The following HEMK2 variants were observed in gnomAD, a reference collection of about 807,000 sequenced individuals.
The protein encoded by HEMK2 is HemK methyltransferase 2, ETF1 glutamine and histone H4 lysine.
the HEMK2 span, among the ~76,000 whole-genome samples, chr21:28,657,069 C>CAGCATATT: frequency 6.6e-6 from 1 of 151,998 alleles, no homozygotes; most frequent in Non-Finnish European, 1.5e-5. Context: ...TTTTGTCATG[C>CAGCATATT]AGCATATTAC....
chr21:28,883,121 C>A, the HEMK2 span: 1 of 1,293,618 alleles, frequency 7.7e-7, no homozygotes, highest in Non-Finnish European at 1.1e-6. Flanking sequence ...AAATACTCTT[C>A]ACAGAAAACT....
the HEMK2 span, among the ~76,000 whole-genome samples, chr21:28,667,354 T>C: frequency 2.6e-5 from 4 of 152,188 alleles, no homozygotes; most frequent in African/African-American, 7.2e-5. Flanking sequence ...TTTGTGTTTC[T>C]TTGATGAAAG....
the HEMK2 span, among the ~76,000 whole-genome samples, chr21:28,782,473 T>C: frequency 2.0e-5 from 3 of 152,206 alleles, no homozygotes; most frequent in Non-Finnish European, 4.4e-5. Flanking sequence ...ACGTTAACTA[T>C]AAATGCATTA....
chr21:28,642,450 C>T, the HEMK2 span, among the ~76,000 whole-genome samples: 15 of 152,290 alleles, frequency 9.8e-5, no homozygotes, highest in African/African-American at 2.2e-4. Context: ...GCAGGCTCTA[C>T]GCAGGCCCAG....
chr21:28,723,204 C>CA, the HEMK2 span, among the ~76,000 whole-genome samples: 2 of 151,890 alleles, frequency 1.3e-5, no homozygotes, highest in South Asian at 4.1e-4. Context: ...TTTGTAGAGA[C>CA]AGAGTCTTGT....
the HEMK2 span, among the ~76,000 whole-genome samples, chr21:28,831,514 A>G: frequency 1.1e-3 from 105 of 94,858 alleles, 2 homozygotes; most frequent in Admixed American, 3.0e-3. Flanking sequence ...AAAGAAAGAA[A>G]GAAAGAAAGA....
the HEMK2 span, among the ~76,000 whole-genome samples, chr21:28,721,160 G>A: frequency 6.6e-6 from 1 of 152,158 alleles, no homozygotes; most frequent in Admixed American, 6.5e-5. Flanking sequence ...CTGTCTCCCA[G>A]GCTGGAGTGC....
At chr21:28,674,548 T>A in the HEMK2 span, 3 of 152,182 alleles carry the variant, frequency 2.0e-5, no homozygotes, top group Non-Finnish European at 4.4e-5. Flanking sequence ...TCTCTGGAGT[T>A]AAATGGAAGG....
At chr21:28,591,883 G>A in the HEMK2 span, among the ~76,000 whole-genome samples, 27 of 152,136 alleles carry the variant, frequency 1.8e-4, no homozygotes, top group African/African-American at 6.5e-4. Context: ...TAATTGTCTC[G>A]TTCTTGTTTA....
chr21:28,881,297 G>C, the HEMK2 span, among the ~76,000 whole-genome samples: 2 of 152,142 alleles, frequency 1.3e-5, no homozygotes, highest in African/African-American at 4.8e-5. Flanking sequence ...TCCCAATCCA[G>C]CTCCTGGGAT....
At chr21:28,838,620 G>A in the HEMK2 span, among the ~76,000 whole-genome samples, 10 of 148,638 alleles carry the variant, frequency 6.7e-5, no homozygotes, top group East Asian at 2.0e-4. Context: ...AACAAAATAC[G>A]AACTAACTGA....
At chr21:28,761,519 C>A in the HEMK2 span, among the ~76,000 whole-genome samples, 2 of 151,690 alleles carry the variant, frequency 1.3e-5, no homozygotes, top group Admixed American at 6.6e-5. Flanking sequence ...AAGTTTATTC[C>A]CTTGGTTACC....
the HEMK2 span, among the ~76,000 whole-genome samples, chr21:28,865,323 G>A: frequency 6.6e-6 from 1 of 152,226 alleles, no homozygotes; most frequent in Admixed American, 6.5e-5. Context: ...ACACCAGAAT[G>A]CCTGGCTAAT....
At chr21:28,844,608 T>C in the HEMK2 span, among the ~76,000 whole-genome samples, 5 of 152,080 alleles carry the variant, frequency 3.3e-5, no homozygotes, top group Non-Finnish European at 5.9e-5. Context: ...AGCACACATA[T>C]ATTTTTAAAT....
chr21:28,670,790 G>T, the HEMK2 span, among the ~76,000 whole-genome samples: 3 of 152,210 alleles, frequency 2.0e-5, no homozygotes, highest in African/African-American at 7.2e-5. Flanking sequence ...TTACATGGCA[G>T]CAGGCAAGAG....
At chr21:28,597,921 TGA>T in the HEMK2 span, among the ~76,000 whole-genome samples, 1 of 152,100 alleles carries the variant, frequency 6.6e-6, no homozygotes, top group Non-Finnish European at 1.5e-5. Flanking sequence ...GGAAGAAACT[TGA>T]ACAGAAATCG....
At chr21:28,866,157 A>AG in the HEMK2 span, among the ~76,000 whole-genome samples, 2 of 91,046 alleles carry the variant, frequency 2.2e-5, no homozygotes, top group African/African-American at 4.5e-5. Flanking sequence ...AGAAAAAACA[A>AG]AAACAAACAA....
chr21:28,613,855 G>A, the HEMK2 span, among the ~76,000 whole-genome samples: 1 of 152,072 alleles, frequency 6.6e-6, no homozygotes, highest in African/African-American at 2.4e-5. Flanking sequence ...CTACACTGAT[G>A]AAGCTTGCTG....
chr21:28,833,200 C>A, the HEMK2 span, among the ~76,000 whole-genome samples: 1 of 148,984 alleles, frequency 6.7e-6, no homozygotes, highest in African/African-American at 2.5e-5. Flanking sequence ...AATATCTGAT[C>A]AGAAAGAAAC....
Sources: gnomAD v4.1 joint callset for allele counts (sites outside exome capture counted in the v4.1 genomes callset) on GRCh38, gnomAD v4.1.1 for gene constraint, MANE v1.5 for transcripts, NCBI Gene and HGNC (gene_info 2026-07-23, HGNC 2026-07-21) for gene names.